The following STK3 variants were observed in gnomAD, a reference collection of about 807,000 sequenced individuals.
STK3 encodes serine/threonine kinase 3.
In STK3, 41 loss-of-function variants were observed where a neutral mutation model predicts 58.0. The ratio of observed to expected loss-of-function variants is 0.71; its 90% CI spans 0.55 to 0.92. STK3 has a LOEUF of 0.92. Ranked by LOEUF, STK3 falls within the 40% of genes least tolerant of loss-of-function variation. The pLI, the probability that STK3 is intolerant of heterozygous loss-of-function variation, is 0.00. For missense variants in STK3, 479 were observed against 602.7 expected, an observed-to-expected ratio of 0.79 and a Z score of 2.15; for synonymous variants, 170 against 191.0, an observed-to-expected ratio of 0.89 and a Z score of 0.91.
At chr8:98,643,633 G>A (rs1438881520) in intron 6 of STK3, among the ~76,000 whole-genome samples, 1 of 152,148 alleles carries the variant, frequency 6.6e-6, no homozygotes, top group East Asian at 1.9e-4. Context: ...CACAATGAAG[G>A]CAGGAATTTT....
At chr8:98,561,622 A>C (rs535669369) in intron 8 of STK3, among the ~76,000 whole-genome samples, 2 of 152,256 alleles carry the variant, frequency 1.3e-5, no homozygotes, top group South Asian at 4.1e-4. Context: ...CATCCACTGC[A>C]CTCAGCTTGT....
chr8:98,918,729 A>G (rs1301371849), intron 1 of STK3, among the ~76,000 whole-genome samples: 2 of 152,134 alleles, frequency 1.3e-5, no homozygotes, highest in Non-Finnish European at 2.9e-5. Flanking sequence ...TGATTGCACC[A>G]CTACACTCTA....
intron 6 of STK3, among the ~76,000 whole-genome samples, chr8:98,685,606 A>C (rs1405533348): frequency 6.6e-6 from 1 of 152,132 alleles, no homozygotes; most frequent in Non-Finnish European, 1.5e-5. Context: ...CAAAGCAGAG[A>C]ACTCTTAACT....
intron 6 of STK3, among the ~76,000 whole-genome samples, chr8:98,627,387 G>A (rs929734446): frequency 4.0e-5 from 6 of 151,570 alleles, no homozygotes; most frequent in African/African-American, 1.5e-4. Context: ...GGTGGCATGT[G>A]CCTGTAATCC....
At chr8:98,768,292 G>A (rs995830896) in intron 2 of STK3, among the ~76,000 whole-genome samples, 1 of 152,178 alleles carries the variant, frequency 6.6e-6, no homozygotes, top group South Asian at 2.1e-4. Flanking sequence ...CAAAAATCAG[G>A]TTTTTCTCAC....
chr8:98,640,564 T>C (rs1186399624), intron 6 of STK3, among the ~76,000 whole-genome samples: 1 of 152,188 alleles, frequency 6.6e-6, no homozygotes, highest in African/African-American at 2.4e-5. Context: ...TATGAAAATA[T>C]CTTCAACACT....
chr8:98,832,146 C>T (rs1476098822), intron 3 of STK3, among the ~76,000 whole-genome samples: 1 of 151,668 alleles, frequency 6.6e-6, no homozygotes, highest in East Asian at 1.9e-4. Flanking sequence ...GGAAGCATAG[C>T]CTCTGTCAGA....
intron 3 of STK3, among the ~76,000 whole-genome samples, chr8:98,401,976 C>T (rs1438762840): frequency 1.3e-5 from 2 of 152,120 alleles, no homozygotes; most frequent in Non-Finnish European, 2.9e-5. Context: ...GTAAAAATTA[C>T]CCCCAAATCC....
intron 2 of STK3, among the ~76,000 whole-genome samples, chr8:98,374,257 G>A (rs1276118700): frequency 2.0e-5 from 3 of 152,196 alleles, no homozygotes; most frequent in Admixed American, 6.5e-5. Context: ...TGTCTGGTCT[G>A]AACAACTGAG....
At chr8:98,824,546 T>C (rs193104145) in intron 1 of STK3, among the ~76,000 whole-genome samples, 45 of 152,364 alleles carry the variant, frequency 3.0e-4, no homozygotes, top group African/African-American at 1.1e-3. Flanking sequence ...GAAAAGAATC[T>C]ATCAATTGAC....
At chr8:98,743,635 G>A (rs561840521) in intron 4 of STK3, among the ~76,000 whole-genome samples, 43 of 152,210 alleles carry the variant, frequency 2.8e-4, no homozygotes, top group African/African-American at 9.4e-4. Flanking sequence ...AACAACCCTA[G>A]AAGAAAACCT....
At chr8:98,771,049 A>G (rs1831287657) in intron 2 of STK3, among the ~76,000 whole-genome samples, 1 of 152,248 alleles carries the variant, frequency 6.6e-6, no homozygotes, top group Non-Finnish European at 1.5e-5. Flanking sequence ...TCACTGTTTT[A>G]AAGTGTATGA....
intron 3 of STK3, among the ~76,000 whole-genome samples, chr8:98,846,734 G>C (rs1836215704): frequency 6.6e-6 from 1 of 151,998 alleles, no homozygotes; most frequent in South Asian, 2.1e-4. Flanking sequence ...AGACCAATCA[G>C]GTATTGAGGG....
At chr8:98,471,774 A>T (rs1820935921) in intron 10 of STK3, among the ~76,000 whole-genome samples, 1 of 152,186 alleles carries the variant, frequency 6.6e-6, no homozygotes, top group African/African-American at 2.4e-5. Context: ...GGCTATGGGT[A>T]GGTGGGCAAC....
chr8:98,711,104 GA>G (rs1826387146), intron 4 of STK3, among the ~76,000 whole-genome samples: 1 of 152,134 alleles, frequency 6.6e-6, no homozygotes, highest in Non-Finnish European at 1.5e-5. Flanking sequence ...CTAACAAACA[GA>G]AAGGACATCC....
At chr8:98,413,826 C>T (rs1818084997) in intron 3 of STK3, 3 of 589,838 alleles carry the variant, frequency 5.1e-6, no homozygotes, top group Non-Finnish European at 6.4e-6. Flanking sequence ...CCACAAACCC[C>T]TCCCAGATGG....
intron 3 of STK3, among the ~76,000 whole-genome samples, chr8:98,426,277 C>T (rs531634205): frequency 1.3e-5 from 2 of 152,200 alleles, no homozygotes; most frequent in Non-Finnish European, 2.9e-5. Flanking sequence ...CGCTGACACA[C>T]GTCCCAGGTC....
intron 1 of STK3, among the ~76,000 whole-genome samples, chr8:98,892,880 TAAC>T (rs1423571445): frequency 6.6e-6 from 1 of 152,216 alleles, no homozygotes; most frequent in African/African-American, 2.4e-5. Context: ...TATCTTTTAT[TAAC>T]AACGTTAGCA....
chr8:98,451,577 CAGTGTGAGAAG>C (rs1819200703), downstream of STK3, among the ~76,000 whole-genome samples: 1 of 152,090 alleles, frequency 6.6e-6, no homozygotes, highest in African/African-American at 2.4e-5. Context: ...TGATGTGGTC[CAGTGTGAGAAG>C]AGCATGAAGT....
Sources: allele counts gnomAD v4.1 joint callset (sites outside exome capture counted in the v4.1 genomes callset), GRCh38; gene constraint gnomAD v4.1.1; transcripts MANE v1.5; gene names NCBI Gene and HGNC (gene_info 2026-07-23, HGNC 2026-07-21).